The following WWOX variants were observed in gnomAD, a reference collection of about 807,000 sequenced individuals.
The protein encoded by WWOX is WW domain containing oxidoreductase.
A neutral mutation model predicts 46.2 loss-of-function variants in WWOX; 69 were observed. The observed-to-expected ratio is 1.49, with a 90% CI of 1.23 to 1.82. The LOEUF (loss-of-function observed/expected upper bound fraction) is 1.82. Ranked by LOEUF, WWOX falls within the 40% of genes most tolerant of loss-of-function variation. WWOX has a pLI of 0.00. For missense variants in WWOX, 919 were observed against 542.6 expected, an observed-to-expected ratio of 1.69 and a Z score of -6.89; for synonymous variants, 359 against 202.6, an observed-to-expected ratio of 1.77 and a Z score of -6.56.
intron 8 of WWOX, among the ~76,000 whole-genome samples, chr16:78,759,749 C>T (rs962412301): frequency 3.9e-5 from 6 of 152,150 alleles, no homozygotes; most frequent in Admixed American, 3.9e-4. Context: ...AATGCAGAGG[C>T]TTAAGACAGC....
At chr16:78,651,641 T>C (rs371583828) in intron 8 of WWOX, among the ~76,000 whole-genome samples, 13 of 152,218 alleles carry the variant, frequency 8.5e-5, no homozygotes, top group African/African-American at 2.4e-4. Flanking sequence ...ACCCAGCTCA[T>C]GTCCCCAGGC....
chr16:78,993,641 A>G (rs2046932218), intron 8 of WWOX, among the ~76,000 whole-genome samples: 1 of 152,188 alleles, frequency 6.6e-6, no homozygotes, highest in Non-Finnish European at 1.5e-5. Context: ...GAGTGAGCCC[A>G]TGGCTGTCTC....
chr16:78,384,871 C>T (rs1461498913), intron 5 of WWOX, among the ~76,000 whole-genome samples: 1 of 152,138 alleles, frequency 6.6e-6, no homozygotes, highest in Non-Finnish European at 1.5e-5. Context: ...TGCGGTGGCT[C>T]ACGCCTGTAA....
chr16:78,916,217 A>G (rs1021601009), intron 8 of WWOX, among the ~76,000 whole-genome samples: 1 of 152,212 alleles, frequency 6.6e-6, no homozygotes, highest in African/African-American at 2.4e-5. Flanking sequence ...GGAGGAAGCG[A>G]CATGTTAACA....
intron 8 of WWOX, among the ~76,000 whole-genome samples, chr16:78,676,201 G>T (rs1478652861): frequency 1.3e-5 from 2 of 151,562 alleles, no homozygotes; most frequent in Non-Finnish European, 2.9e-5. Context: ...GTTCTATTTG[G>T]ATATAAAGCT....
intron 8 of WWOX, among the ~76,000 whole-genome samples, chr16:78,623,650 C>G (rs918826481): frequency 2.0e-5 from 3 of 151,394 alleles, no homozygotes; most frequent in African/African-American, 7.3e-5. Flanking sequence ...GGGACATTAA[C>G]CAAGTTGTGA....
At chr16:78,867,913 C>G (rs1049262201) in intron 8 of WWOX, among the ~76,000 whole-genome samples, 2 of 152,106 alleles carry the variant, frequency 1.3e-5, no homozygotes. Context: ...TGTGGAAGAA[C>G]TAGAACTGTC....
chr16:78,697,443 G>C (rs1243617061), intron 8 of WWOX, among the ~76,000 whole-genome samples: 1 of 152,126 alleles, frequency 6.6e-6, no homozygotes, highest in East Asian at 1.9e-4. Context: ...CCAGCAAAAG[G>C]AACAGTCAGC....
intron 4 of WWOX, among the ~76,000 whole-genome samples, chr16:78,149,385 C>T (rs150756698): frequency 1.4e-4 from 22 of 152,338 alleles, no homozygotes; most frequent in African/African-American, 4.8e-4. Context: ...GATCCCATCT[C>T]ACAGCCCTTA....
At chr16:78,610,784 A>G (rs1178450881) in intron 8 of WWOX, among the ~76,000 whole-genome samples, 1 of 152,114 alleles carries the variant, frequency 6.6e-6, no homozygotes, top group Non-Finnish European at 1.5e-5. Context: ...TAAAATCTGG[A>G]GGTTTGGAAT....
chr16:78,395,786 A>G (rs1293976893), intron 6 of WWOX, among the ~76,000 whole-genome samples: 1 of 149,796 alleles, frequency 6.7e-6, no homozygotes, highest in East Asian at 2.0e-4. Flanking sequence ...CTTTTTTGCT[A>G]TTCTTTTGTT....
chr16:78,425,593 C>G (rs74028195), intron 7 of WWOX, among the ~76,000 whole-genome samples: 1,762 of 152,230 alleles, frequency 0.012, 28 homozygotes, highest in African/African-American at 0.04. Context: ...TCAGATGGCA[C>G]TTTTTTCCTA....
intron 8 of WWOX, among the ~76,000 whole-genome samples, chr16:78,865,705 C>A (rs927431732): frequency 6.6e-6 from 1 of 152,076 alleles, no homozygotes; most frequent in Non-Finnish European, 1.5e-5. Flanking sequence ...CATGGTGAAA[C>A]CCCATCTCTA....
At chr16:78,699,673 A>T (rs1180579538) in intron 8 of WWOX, among the ~76,000 whole-genome samples, 2 of 152,218 alleles carry the variant, frequency 1.3e-5, no homozygotes, top group East Asian at 3.8e-4. Flanking sequence ...AGAGTCAGCT[A>T]TTCCCTCTTC....
chr16:78,174,861 G>A (rs148942136), intron 5 of WWOX, among the ~76,000 whole-genome samples: 5,633 of 152,126 alleles, frequency 0.037, 328 homozygotes, highest in African/African-American at 0.13. Context: ...GGCGGCATGC[G>A]CCTTTAGTCC....
intron 8 of WWOX, among the ~76,000 whole-genome samples, chr16:79,071,016 C>T (rs115133253): frequency 5.3e-5 from 8 of 152,138 alleles, no homozygotes; most frequent in African/African-American, 1.2e-4. Context: ...AGTGTACTCT[C>T]GAGGGATGCA....
chr16:78,523,069 C>G (rs951276074), intron 8 of WWOX, among the ~76,000 whole-genome samples: 19 of 151,814 alleles, frequency 1.3e-4, no homozygotes, highest in Admixed American at 8.5e-4. Context: ...GAAACCCATC[C>G]CCCAAAAAAA....
intron 8 of WWOX, among the ~76,000 whole-genome samples, chr16:78,925,580 G>T (rs2045479606): frequency 6.6e-6 from 1 of 152,222 alleles, no homozygotes; most frequent in Non-Finnish European, 1.5e-5. Context: ...AGAAGGGGTA[G>T]TATTACAGGG....
chr16:79,133,694 T>G (rs191371261), intron 8 of WWOX, among the ~76,000 whole-genome samples: 2 of 152,210 alleles, frequency 1.3e-5, no homozygotes, highest in Non-Finnish European at 2.9e-5. Context: ...GTATATTGTA[T>G]CAGTAATTTT....
Sources: gnomAD v4.1 joint callset for allele counts (sites outside exome capture counted in the v4.1 genomes callset) on GRCh38, gnomAD v4.1.1 for gene constraint, MANE v1.5 for transcripts, NCBI Gene and HGNC (gene_info 2026-07-23, HGNC 2026-07-21) for gene names.